ESRRG: variants seen among roughly 807,000 people sequenced by gnomAD.
ESRRG encodes the protein estrogen related receptor gamma.
Under a neutral mutation model 44.0 loss-of-function variants are expected in ESRRG, and 13 were observed. That is an observed-to-expected ratio of 0.30 (90% CI 0.19 to 0.47). ESRRG has a LOEUF of 0.47. Among genes scored for constraint, ESRRG ranks in the 20% least tolerant of loss-of-function variants. The pLI is 1.00. For synonymous variants in ESRRG, 215 were observed against 214.6 expected (o/e 1.00, Z -0.02); for missense variants, 395 against 580.6 (o/e 0.68, Z 3.29).
chr1:216,935,620 A>ATTTT (rs368688184), intron 2 of ESRRG, among the ~76,000 whole-genome samples: 1 of 146,234 alleles, frequency 6.8e-6, no homozygotes, highest in African/African-American at 2.5e-5. Flanking sequence ...CAGTTTAGGA[A>ATTTT]TTTTTTTTTT....
intron 2 of ESRRG, among the ~76,000 whole-genome samples, chr1:216,826,538 T>C (rs1576985282): frequency 6.6e-6 from 1 of 152,208 alleles, no homozygotes; most frequent in Non-Finnish European, 1.5e-5. Context: ...TACAATATTA[T>C]TGAATATAAT....
intron 1 of ESRRG, among the ~76,000 whole-genome samples, chr1:216,715,960 T>A (rs1204486367): frequency 6.6e-6 from 1 of 152,078 alleles, no homozygotes; most frequent in Non-Finnish European, 1.5e-5. Flanking sequence ...TTCTGCCTAT[T>A]TTCTGTACAT....
intron 1 of ESRRG, among the ~76,000 whole-genome samples, chr1:216,689,175 T>C (rs980425893): frequency 1.3e-5 from 2 of 152,170 alleles, no homozygotes; most frequent in African/African-American, 2.4e-5. Flanking sequence ...ATGTATTTTA[T>C]TGCTTTCCAA....
chr1:216,994,767 T>C (rs1282143989), intron 1 of ESRRG, among the ~76,000 whole-genome samples: 1 of 151,754 alleles, frequency 6.6e-6, no homozygotes, highest in African/African-American at 2.4e-5. Flanking sequence ...ATTTTTTTTT[T>C]AGTAGAGACG....
intron 5 of ESRRG, among the ~76,000 whole-genome samples, chr1:216,535,475 T>C (rs1357733677): frequency 6.6e-6 from 1 of 152,122 alleles, no homozygotes; most frequent in Non-Finnish European, 1.5e-5. Context: ...ACCTCCCATA[T>C]TTTAGATAAA....
chr1:216,528,077 T>C (rs1471195388), intron 5 of ESRRG, among the ~76,000 whole-genome samples: 3 of 152,168 alleles, frequency 2.0e-5, no homozygotes, highest in African/African-American at 7.2e-5. Context: ...GCTCATTGAC[T>C]GGCTTTCAAA....
rs113177422 is a variant in ESRRG, at chr1:217,063,665, A to G, written c.-106+25842T>C. On this transcript the variant is annotated intron_variant, in intron 1 of 7. Coordinates refer to the ESRRG transcript ENST00000359162. ...ATTAAGCTATCCTGAGGCAGAAGAGAAAGAGCACCACAGGGTGGGAAGAGG... is the reference window on the plus strand; with the variant it reads ...ATTAAGCTATCCTGAGGCAGAAGAGGAAGAGCACCACAGGGTGGGAAGAGG... Among the ~76,000 whole-genome samples, 938 of 152,282 alleles carry G rather than the reference A, an allele frequency of 6.2e-3. 9 individuals are homozygous for G. The highest frequency in any genetic ancestry group is 0.022 in the African/African-American group (909 of 41,566).
At chr1:216,742,891 AT>A (rs1432755814) in intron 2 of ESRRG, among the ~76,000 whole-genome samples, 24 of 152,096 alleles carry the variant, frequency 1.6e-4, no homozygotes, top group Non-Finnish European at 2.6e-4. Flanking sequence ...GTTTAGGGAG[AT>A]TTTACTTCAA....
In ESRRG at chr1:217,099,376, CAA is replaced by C. The variant is rs34591349; in HGVS notation, c.-230+38289_-230+38290del. 6.9e-3 allele frequency among the ~76,000 whole-genome samples: 953 copies of C among 138,690 alleles called. 3 individuals carry two copies. The highest frequency in any genetic ancestry group is 0.015 in the African/African-American group (565 of 36,762). The allele number at this position is 138,690 out of a possible 152,430, so 91.0% of individuals were successfully genotyped here. ...ACAACAATTAGACCTGTGAGCAGAGCAAAAAAAAAAAAAAAGTCAAGTAAAAA... is the reference window on the plus strand; with the variant it reads ...ACAACAATTAGACCTGTGAGCAGAGCAAAAAAAAAAAAAGTCAAGTAAAAA... On this transcript the variant is annotated intron_variant, in intron 1 of 8. Coordinates refer to the ESRRG transcript ENST00000366940.
chr1:217,118,672 G>C (rs963876262), intron 1 of ESRRG, among the ~76,000 whole-genome samples: 2 of 152,086 alleles, frequency 1.3e-5, no homozygotes, highest in African/African-American at 4.8e-5. Flanking sequence ...TTAATGTGGG[G>C]TTAAGATAGG....
At chr1:216,734,302 A>C (rs1046633075) in intron 2 of ESRRG, among the ~76,000 whole-genome samples, 2 of 152,026 alleles carry the variant, frequency 1.3e-5, no homozygotes, top group African/African-American at 4.8e-5. Flanking sequence ...TGGTTTGGCT[A>C]TTTTGTCTCC....
At chr1:216,951,273 A>C (rs978345701) in intron 1 of ESRRG, among the ~76,000 whole-genome samples, 4 of 152,194 alleles carry the variant, frequency 2.6e-5, no homozygotes, top group African/African-American at 4.8e-5. Context: ...TTAATGCCTT[A>C]ATACAGACAT....
chr1:216,835,292 G>C (rs988694646), intron 2 of ESRRG, among the ~76,000 whole-genome samples: 2 of 152,174 alleles, frequency 1.3e-5, no homozygotes, highest in Admixed American at 6.5e-5. Context: ...ACACTCCAGC[G>C]CAGCCACTTG....
intron 1 of ESRRG, among the ~76,000 whole-genome samples, chr1:216,694,193 T>C (rs909052671): frequency 6.6e-6 from 1 of 152,166 alleles, no homozygotes; most frequent in African/African-American, 2.4e-5. Context: ...GTATATCTCA[T>C]TGTGAATGTT....
At chr1:216,754,820 C>T (rs1445542889) in intron 2 of ESRRG, among the ~76,000 whole-genome samples, 1 of 151,052 alleles carries the variant, frequency 6.6e-6, no homozygotes, top group East Asian at 2.0e-4. Flanking sequence ...GTGGATTTCA[C>T]TCTCAAACGT....
At chr1:216,630,476 A>T (rs1462961006) in intron 3 of ESRRG, among the ~76,000 whole-genome samples, 14 of 147,876 alleles carry the variant, frequency 9.5e-5, no homozygotes, top group Admixed American at 9.4e-4. Context: ...ACACACACAC[A>T]ATTAAATCTT....
intron 1 of ESRRG, among the ~76,000 whole-genome samples, chr1:216,999,834 C>A (rs1026437143): frequency 6.6e-6 from 1 of 152,152 alleles, no homozygotes; most frequent in Non-Finnish European, 1.5e-5. Context: ...TGTGTTCTGA[C>A]CATGGCAAAC....
At chr1:217,053,466 AAAGAAAGAAAG>A (rs1221296880) in intron 1 of ESRRG, among the ~76,000 whole-genome samples, 1 of 4,112 alleles carries the variant, frequency 2.4e-4, no homozygotes, top group Non-Finnish European at 3.0e-3. Flanking sequence ...AAGCCAAAAA[AAAGAAAGAAAG>A]AAAGAAAGAA....
At chr1:216,722,396 G>C (rs957055160) in intron 1 of ESRRG, among the ~76,000 whole-genome samples, 2 of 150,162 alleles carry the variant, frequency 1.3e-5, no homozygotes, top group African/African-American at 2.5e-5. Flanking sequence ...CTTACTTCTC[G>C]TACCCCCTAC....
Sources: allele counts gnomAD v4.1 joint callset (sites outside exome capture counted in the v4.1 genomes callset), GRCh38; gene constraint gnomAD v4.1.1; transcripts MANE v1.5; gene names NCBI Gene and HGNC (gene_info 2026-07-23, HGNC 2026-07-21).